Variants in FGD4 observed in about 807,000 individuals in gnomAD.
The protein encoded by FGD4 is FYVE, RhoGEF and PH domain-containing protein 4.
Under a neutral mutation model 102.0 loss-of-function variants are expected in FGD4, and 42 were observed. The observed-to-expected ratio is 0.41, with a 90% CI of 0.32 to 0.53. The LOEUF (loss-of-function observed/expected upper bound fraction) is 0.53. Among genes scored for constraint, FGD4 ranks in the 20% least tolerant of loss-of-function variants. The pLI is 0.21. For missense variants in FGD4, 902 were observed against 1,078.2 expected (o/e 0.84, Z 2.29); for synonymous variants, 380 against 375.7 (o/e 1.01, Z -0.13).
intron 3 of FGD4, among the ~76,000 whole-genome samples, chr12:32,578,547 C>T (rs1410360131): frequency 2.6e-5 from 4 of 152,176 alleles, no homozygotes; most frequent in South Asian, 2.1e-4. Flanking sequence ...AGACCTTACC[C>T]GGCTGGGTAC....
intron 1 of FGD4, among the ~76,000 whole-genome samples, chr12:32,468,558 T>C (rs1943331651): frequency 6.6e-6 from 1 of 152,152 alleles, no homozygotes; most frequent in South Asian, 2.1e-4. Flanking sequence ...TTTCTGATTA[T>C]AAAAGTCGTG....
intron 1 of FGD4, among the ~76,000 whole-genome samples, chr12:32,561,668 G>A (rs931066820): frequency 1.3e-5 from 2 of 152,124 alleles, no homozygotes; most frequent in Admixed American, 1.3e-4. Flanking sequence ...CAGAGTCAGT[G>A]GTCTTAATAT....
At chr12:32,498,314 G>T (rs1937949675) in intron 1 of FGD4, among the ~76,000 whole-genome samples, 1 of 152,132 alleles carries the variant, frequency 6.6e-6, no homozygotes, top group Non-Finnish European at 1.5e-5. Flanking sequence ...AAAAATATTT[G>T]ATTGCAGTAT....
chr12:32,487,922 G>A (rs561529730), intron 1 of FGD4, among the ~76,000 whole-genome samples: 25 of 152,288 alleles, frequency 1.6e-4, no homozygotes, highest in Admixed American at 1.6e-3. Context: ...AAGTGGAATG[G>A]AAGCCATAGA....
chr12:32,401,209 G>C (rs181169120), intron 1 of FGD4, among the ~76,000 whole-genome samples: 122 of 152,320 alleles, frequency 8.0e-4, no homozygotes, highest in African/African-American at 2.5e-3. Context: ...GTTATTTAAT[G>C]TACAGAATTT....
chr12:32,598,988 G>T (rs1249279769), intron 5 of FGD4, among the ~76,000 whole-genome samples: 1 of 152,198 alleles, frequency 6.6e-6, no homozygotes, highest in Non-Finnish European at 1.5e-5. Flanking sequence ...TTATGTGAGT[G>T]ATCTGAGCTG....
chr12:32,635,414 T>C (rs1950745728), intron 15 of FGD4, among the ~76,000 whole-genome samples: 2 of 152,192 alleles, frequency 1.3e-5, no homozygotes, highest in Admixed American at 6.5e-5. Context: ...AATGAATTAC[T>C]TATTAGGTCA....
intron 1 of FGD4, among the ~76,000 whole-genome samples, chr12:32,502,686 CCTT>C (rs1294817389): frequency 2.6e-5 from 4 of 152,078 alleles, no homozygotes; most frequent in Non-Finnish European, 5.9e-5. Context: ...CAATGCCTGT[CCTT>C]ATTATTTGAA....
intron 1 of FGD4, among the ~76,000 whole-genome samples, chr12:32,492,900 G>T (rs1944159533): frequency 6.6e-6 from 1 of 152,212 alleles, no homozygotes; most frequent in Admixed American, 6.5e-5. Context: ...AGCTGGTGCT[G>T]CCCGCACCTT....
chr12:32,495,090 A>G (rs923506171), intron 1 of FGD4, among the ~76,000 whole-genome samples: 2 of 152,098 alleles, frequency 1.3e-5, no homozygotes, highest in Non-Finnish European at 2.9e-5. Flanking sequence ...CATGTTTAAT[A>G]CTTCTTACAG....
intron 1 of FGD4, among the ~76,000 whole-genome samples, chr12:32,428,333 G>T (rs1591880802): frequency 1.3e-5 from 2 of 152,272 alleles, no homozygotes; most frequent in Non-Finnish European, 1.5e-5. Flanking sequence ...GCTTAGTTTG[G>T]CTGGATATGA....
At chr12:32,567,490 G>A (rs1945286127) in intron 2 of FGD4, among the ~76,000 whole-genome samples, 1 of 152,092 alleles carries the variant, frequency 6.6e-6, no homozygotes, top group Admixed American at 6.5e-5. Flanking sequence ...GCTACTTGCA[G>A]CCAGTGAGTG....
chr12:32,485,841 G>T (rs1943880970), intron 1 of FGD4: 1 of 1,199,550 alleles, frequency 8.3e-7, no homozygotes, highest in African/African-American at 1.6e-5. Context: ...TCCACCCCCG[G>T]TATTCTAGAG....
At chr12:32,526,065 G>T (rs970147759) in intron 1 of FGD4, among the ~76,000 whole-genome samples, 7 of 152,228 alleles carry the variant, frequency 4.6e-5, no homozygotes, top group Admixed American at 3.9e-4. Context: ...GAGCGCAGGG[G>T]GCAGGACTGG....
At chr12:32,584,833 G>C (rs1338409265) in intron 4 of FGD4, among the ~76,000 whole-genome samples, 1 of 152,090 alleles carries the variant, frequency 6.6e-6, no homozygotes, top group Admixed American at 6.5e-5. Context: ...CTTCAGAATA[G>C]TCTTAAATGT....
intron 1 of FGD4, among the ~76,000 whole-genome samples, chr12:32,511,606 T>A (rs575939549): frequency 6.6e-6 from 1 of 152,072 alleles, no homozygotes; most frequent in African/African-American, 2.4e-5. Context: ...CCGGCCTGAT[T>A]GGTGTGATTT....
chr12:32,474,062 T>C (rs1943517653), intron 1 of FGD4, among the ~76,000 whole-genome samples: 2 of 150,458 alleles, frequency 1.3e-5, no homozygotes, highest in African/African-American at 4.9e-5. Context: ...CACTCCAGCC[T>C]GGGTGACAGT....
chr12:32,554,560 C>A (rs1028578905), intron 1 of FGD4, among the ~76,000 whole-genome samples: 9 of 152,086 alleles, frequency 5.9e-5, no homozygotes, highest in Non-Finnish European at 1.2e-4. Context: ...CTGGAGCTTA[C>A]ATTCTAACCA....
At chr12:32,470,679 C>T (rs1352614815) in intron 1 of FGD4, among the ~76,000 whole-genome samples, 1 of 152,034 alleles carries the variant, frequency 6.6e-6, no homozygotes, top group East Asian at 1.9e-4. Flanking sequence ...GTCTCGAACT[C>T]CTGACCTCAG....
Sources: gnomAD v4.1 joint callset for allele counts (sites outside exome capture counted in the v4.1 genomes callset) on GRCh38, gnomAD v4.1.1 for gene constraint, MANE v1.5 for transcripts, NCBI Gene and HGNC (gene_info 2026-07-23, HGNC 2026-07-21) for gene names.